FBXO36: variants seen among roughly 807,000 people sequenced by gnomAD.
FBXO36 encodes the protein F-box protein 36, also known as F-box only protein 36.
FBXO36 carries 18 observed loss-of-function variants against 17.0 expected under a neutral mutation model. The observed-to-expected ratio is 1.06, with a 90% CI of 0.73 to 1.57. FBXO36 has a LOEUF of 1.57. Ranked by LOEUF, FBXO36 falls within the 40% of genes most tolerant of loss-of-function variation. The pLI, the probability that FBXO36 is intolerant of heterozygous loss-of-function variation, is 0.00. For missense variants in FBXO36, 229 were observed against 221.9 expected, an observed-to-expected ratio of 1.03 and a Z score of -0.20; for synonymous variants, 83 against 85.3, an observed-to-expected ratio of 0.97 and a Z score of 0.15.
chr2:229,995,596 CT>C (rs1294052123), intron 2 of FBXO36, among the ~76,000 whole-genome samples: 2 of 132,102 alleles, frequency 1.5e-5, no homozygotes, highest in African/African-American at 5.7e-5. Flanking sequence ...TTCTTTCTTT[CT>C]TTTTTTTTTT....
chr2:230,000,955 A>G (rs985813422), intron 3 of FBXO36, among the ~76,000 whole-genome samples: 2 of 149,250 alleles, frequency 1.3e-5, no homozygotes, highest in Non-Finnish European at 3.0e-5. Context: ...CCTGGGTTCA[A>G]GGGATTCTCC....
chr2:229,925,787 A>G (rs1037329455), intron 1 of FBXO36, among the ~76,000 whole-genome samples: 1 of 152,188 alleles, frequency 6.6e-6, no homozygotes, highest in African/African-American at 2.4e-5. Context: ...CTTTGTTTAT[A>G]TAGTAACATT....
chr2:229,943,102 A>G (rs541862605), intron 1 of FBXO36: 1 of 152,356 alleles, frequency 6.6e-6, no homozygotes, highest in Admixed American at 6.5e-5. Context: ...ACTTGGTTGT[A>G]GTGATGTTAA....
At chr2:230,000,192 A>T (rs1451404981) in intron 3 of FBXO36, among the ~76,000 whole-genome samples, 1 of 151,582 alleles carries the variant, frequency 6.6e-6, no homozygotes, top group African/African-American at 2.4e-5. Flanking sequence ...ACCACATCTC[A>T]ACTAAAAATA....
In FBXO36 at chr2:230,008,149, G is replaced by A. The variant is rs369388622; in HGVS notation, c.379-2547G>A. ...AGCATCACTGCGCAGGCAGTGTGGT[G>A]TGTTTAAATAAGCAGGAGGCTGGAG... On this transcript the variant is annotated intron_variant, in intron 3 of 3. Coordinates refer to ENST00000283946, the MANE Select transcript of FBXO36 (RefSeq NM_174899.5). 4.6e-5 allele frequency among the ~76,000 whole-genome samples: 7 copies of A among 152,206 alleles called. 1 individual carries two copies. In the East Asian group the frequency reaches 7.7e-4, roughly 17 times the overall value.
At chr2:229,991,370 A>G (rs1265448893) in intron 2 of FBXO36, among the ~76,000 whole-genome samples, 1 of 152,110 alleles carries the variant, frequency 6.6e-6, no homozygotes, top group Non-Finnish European at 1.5e-5. Context: ...CTATATTTGG[A>G]CATGGAGGCC....
chr2:229,944,097 C>T (rs2077014208), intron 1 of FBXO36, among the ~76,000 whole-genome samples: 1 of 152,176 alleles, frequency 6.6e-6, no homozygotes, highest in African/African-American at 2.4e-5. Flanking sequence ...CCCAGCCATG[C>T]TTCCTGTACA....
intron 1 of FBXO36, chr2:229,932,903 A>G: frequency 3.0e-6 from 1 of 328,964 alleles, no homozygotes; most frequent in Non-Finnish European, 6.4e-6. Context: ...CCCCATCTCT[A>G]ATAAAAACTA....
intron 1 of FBXO36, among the ~76,000 whole-genome samples, chr2:229,932,324 C>T (rs2076942902): frequency 6.6e-6 from 1 of 152,012 alleles, no homozygotes; most frequent in Admixed American, 6.6e-5. Context: ...AGTTCGAGAC[C>T]AGCCTGACCA....
At chr2:229,984,319 GC>G (rs2077255892) in intron 2 of FBXO36, among the ~76,000 whole-genome samples, 1 of 151,594 alleles carries the variant, frequency 6.6e-6, no homozygotes, top group Non-Finnish European at 1.5e-5. Flanking sequence ...CTGCACTCCA[GC>G]CTGGCAACAG....
chr2:229,980,957 T>C (rs923594348), intron 2 of FBXO36, among the ~76,000 whole-genome samples: 3 of 152,112 alleles, frequency 2.0e-5, no homozygotes, highest in Non-Finnish European at 2.9e-5. Context: ...ACCATGGTGT[T>C]GGTAGTCTCT....
chr2:229,948,745 C>G (rs2077040064), intron 1 of FBXO36, among the ~76,000 whole-genome samples: 1 of 152,196 alleles, frequency 6.6e-6, no homozygotes, highest in Non-Finnish European at 1.5e-5. Context: ...CAAAAGCAGC[C>G]AAATTCTGAA....
intron 1 of FBXO36, among the ~76,000 whole-genome samples, chr2:229,960,442 G>A (rs2077114491): frequency 6.6e-6 from 1 of 151,966 alleles, no homozygotes; most frequent in Non-Finnish European, 1.5e-5. Flanking sequence ...GCTTCCCAAA[G>A]TGCTGGGATT....
intron 1 of FBXO36, among the ~76,000 whole-genome samples, chr2:229,930,092 A>G (rs927124225): frequency 6.6e-6 from 1 of 152,182 alleles, no homozygotes; most frequent in African/African-American, 2.4e-5. Context: ...TCACACAGGT[A>G]ATCCTAGCAC....
intron 1 of FBXO36, among the ~76,000 whole-genome samples, chr2:229,974,323 A>G (rs966812463): frequency 6.6e-6 from 1 of 152,152 alleles, no homozygotes; most frequent in Non-Finnish European, 1.5e-5. Flanking sequence ...TTATATTCTC[A>G]GTAATTTACT....
chr2:229,945,865 A>T (rs1232581890), intron 1 of FBXO36, among the ~76,000 whole-genome samples: 2 of 151,662 alleles, frequency 1.3e-5, no homozygotes, highest in Non-Finnish European at 2.9e-5. Flanking sequence ...TCTACGAAAA[A>T]TACAAAATTA....
intron 1 of FBXO36, among the ~76,000 whole-genome samples, chr2:229,934,704 G>A (rs1342991831): frequency 6.6e-6 from 1 of 152,294 alleles, no homozygotes; most frequent in South Asian, 2.1e-4. Flanking sequence ...GCCCAGACTG[G>A]AGTGCAATGG....
chr2:229,967,932 T>G (rs505462), intron 1 of FBXO36, among the ~76,000 whole-genome samples: 148,250 of 152,074 alleles, frequency 0.97, 72,375 homozygotes, highest in East Asian at 1. Flanking sequence ...CTATTGATTG[T>G]AATAGTTTCA....
At chr2:229,933,343 ACAT>A (rs1445804614) in intron 1 of FBXO36, among the ~76,000 whole-genome samples, 2 of 152,102 alleles carry the variant, frequency 1.3e-5, no homozygotes, top group African/African-American at 4.8e-5. Context: ...CAGTGAGCTG[ACAT>A]CATACCACTT....
Sources: allele counts gnomAD v4.1 joint callset (sites outside exome capture counted in the v4.1 genomes callset), GRCh38; gene constraint gnomAD v4.1.1; transcripts MANE v1.5; gene names NCBI Gene and HGNC (gene_info 2026-07-23, HGNC 2026-07-21).